RBP7: variants seen among roughly 807,000 people sequenced by gnomAD.
RBP7 encodes the protein retinoid-binding protein 7.
A neutral mutation model predicts 16.7 loss-of-function variants in RBP7; 13 were observed. The ratio of observed to expected loss-of-function variants is 0.78; its 90% CI spans 0.51 to 1.24. RBP7 has a LOEUF of 1.24. Among genes scored for constraint, RBP7 ranks in the 50% most tolerant of loss-of-function variants. The pLI is 0.00. For synonymous variants in RBP7, 54 were observed against 56.2 expected (o/e 0.96, Z 0.17); for missense variants, 145 against 159.5 (o/e 0.91, Z 0.49).
chr1:10,001,569 G>A (rs542214611), intron 1 of RBP7, among the ~76,000 whole-genome samples: 2 of 152,032 alleles, frequency 1.3e-5, no homozygotes, highest in East Asian at 3.9e-4. Flanking sequence ...TGCCTTGCTT[G>A]GGTTTTAATA....
chr1:10,007,524 T>C (rs1297142649), intron 1 of RBP7, 46 bp from the exon 2 acceptor site: 38 of 1,368,660 alleles, frequency 2.8e-5, no homozygotes, highest in Non-Finnish European at 3.4e-5. Flanking sequence ...TCTTCACTTT[T>C]GTATCTCAAG....
chr1:10,000,079 A>G (rs1485661496), intron 1 of RBP7, among the ~76,000 whole-genome samples: 1 of 151,516 alleles, frequency 6.6e-6, no homozygotes, highest in East Asian at 1.9e-4. Context: ...AATACAAAAA[A>G]TTAGCTGGGC....
chr1:10,007,650 A>T lies in RBP7; in HGVS notation c.154A>T (p.Ile52Phe). The change falls in exon 2 of 4, where the codon ATC becomes TTC. Residue 52 changes from isoleucine (I) to phenylalanine (F), a missense_variant. Physicochemically the swap from Ile to Phe is conservative, Grantham distance 21 (BLOSUM62 0). Transcript: ENST00000294435. ...VIEQNGDSFT[I>F]HTNSSLRNYF... Reference sequence around the variant, plus strand: ...TGAGCAGAATGGGGATTCTTTTACCATCCACACGAACAGCAGCCTAAGGAA... The same window carrying T: ...TGAGCAGAATGGGGATTCTTTTACCTTCCACACGAACAGCAGCCTAAGGAA... 1 of 1,614,078 alleles carries T rather than the reference A, an allele frequency of 6.2e-7. No individual in the cohort carries two copies. Among genetic ancestry groups the T allele is most frequent in the Non-Finnish European group, 8.5e-7 (1 of 1,179,978 alleles).
intron 1 of RBP7, among the ~76,000 whole-genome samples, chr1:10,000,322 A>C (rs1642241518): frequency 6.6e-6 from 1 of 152,122 alleles, no homozygotes; most frequent in Non-Finnish European, 1.5e-5. Flanking sequence ...ACCTGAAGTC[A>C]GGAGTTTGAG....
At chr1:10,008,483 C>T (rs1399633081) in intron 3 of RBP7, among the ~76,000 whole-genome samples, 1 of 150,612 alleles carries the variant, frequency 6.6e-6, no homozygotes, top group African/African-American at 2.5e-5. Flanking sequence ...GCTGTGTCAC[C>T]AGGCTGGAGT....
In RBP7 at chr1:9,997,372, TG is replaced by T; in HGVS notation, c.73+44del. On this transcript the variant is annotated intron_variant, in intron 1 of 3. Transcript: ENST00000294435. The surrounding 1 kb of genome is among the most constrained non-coding windows in gnomAD (Gnocchi z 5.9). Reference sequence around the variant, plus strand: ...GGCGGCGGCGGCGCGAGGCTCGCCGTGGGTCTCGGGATCAGGCGAAGGCGGC... The same window carrying T: ...GGCGGCGGCGGCGCGAGGCTCGCCGTGGTCTCGGGATCAGGCGAAGGCGGC... The T allele has an allele frequency of 6.3e-7, 1 of 1,592,220 alleles. No homozygotes were observed. Among genetic ancestry groups the T allele is most frequent in the Non-Finnish European group, 8.6e-7 (1 of 1,164,482 alleles).
chr1:10,011,913 T>C (rs1243757263), intron 3 of RBP7, among the ~76,000 whole-genome samples: 3 of 151,622 alleles, frequency 2.0e-5, no homozygotes, highest in Admixed American at 6.6e-5. Flanking sequence ...AAAAATTAGC[T>C]GGGCGGAGCC....
intron 1 of RBP7, among the ~76,000 whole-genome samples, chr1:9,998,149 C>T (rs1642206548): frequency 6.6e-6 from 1 of 152,210 alleles, no homozygotes; most frequent in Non-Finnish European, 1.5e-5. Context: ...CCAGCCACCA[C>T]GTCCGGCTAA....
At position 10,009,061 on chromosome 1, in the gene RBP7, A is replaced by G. The variant is rs564893968; in HGVS notation, c.354+787A>G. ...CGCCATTTTTCCCATTCACAAATAA[A>G]TTGGGATTTTGAAATTCCCCAAGGC... is the stretch of plus-strand genomic sequence containing the variant. On this transcript the variant is annotated intron_variant, in intron 3 of 3. Coordinates refer to ENST00000294435, the MANE Select transcript of RBP7 (RefSeq NM_052960.3). Among the ~76,000 whole-genome samples, 6 of 152,246 alleles carry G rather than the reference A, an allele frequency of 3.9e-5. 1 individual carries two copies. The highest frequency in any genetic ancestry group is 1.4e-4 in the African/African-American group (6 of 41,562).
intron 3 of RBP7, among the ~76,000 whole-genome samples, chr1:10,013,154 C>A (rs868220071): frequency 1.3e-5 from 2 of 149,508 alleles, no homozygotes; most frequent in East Asian, 2.1e-4. Flanking sequence ...CTCACTGTAA[C>A]CTCCTCCTCC....
chr1:10,007,708 TTGA>T lies in RBP7; in HGVS notation c.216_218del (p.Asp72del), dbSNP rs1367701366. On this transcript the variant is annotated inframe_deletion, in exon 2 of 4. Transcript: ENST00000294435. The stretch of plus-strand genomic sequence containing the variant: ...GTGAAATTTAAAGTTGGAGAAGAAT[TTGA>T]TGAAGATAACAGAGGCCTGGACAAC... 3 of 1,613,746 alleles carry T rather than the reference TTGA, an allele frequency of 1.9e-6. No homozygotes were observed. The highest frequency in any genetic ancestry group is 2.2e-5 in the South Asian group (2 of 91,026).
chr1:10,007,774 C>G (rs376895005), intron 2 of RBP7, 26 bp downstream of exon 2: 2 of 1,603,286 alleles, frequency 1.2e-6, no homozygotes, highest in African/African-American at 2.7e-5. Context: ...ATGCCAGGTG[C>G]GGTGGATTAC....
chr1:10,013,677 G>C (rs1418237635), intron 3 of RBP7, among the ~76,000 whole-genome samples: 1 of 152,060 alleles, frequency 6.6e-6, no homozygotes, highest in Non-Finnish European at 1.5e-5. Flanking sequence ...GGGTGTGGTG[G>C]CGGGCACCTG....
intron 1 of RBP7, among the ~76,000 whole-genome samples, chr1:10,004,701 T>C (rs1642391022): frequency 6.6e-6 from 1 of 152,214 alleles, no homozygotes; most frequent in Admixed American, 6.5e-5. Context: ...TCATTGTTAG[T>C]CTAAAGTTAT....
At position 9,997,623 on chromosome 1, in the gene RBP7, G is replaced by C. The variant is rs906602534; in HGVS notation, c.73+292G>C. Among the ~76,000 whole-genome samples the C allele has an allele frequency of 1.3e-4, 17 of 129,452 alleles. No homozygotes were observed. Among genetic ancestry groups the C allele is most frequent in the Non-Finnish European group, 2.1e-4 (13 of 60,520 alleles). The allele number at this position is 129,452 out of a possible 152,430, so 84.9% of individuals were successfully genotyped here. A position where few individuals can be genotyped will look rare whatever the true frequency, so the allele number is the denominator to read the frequency against. On this transcript the variant is annotated intron_variant, in intron 1 of 3. Coordinates refer to ENST00000294435, the MANE Select transcript of RBP7 (RefSeq NM_052960.3). This position sits in a 1 kb window ranked among gnomAD's most constrained non-coding sequence, Gnocchi z 5.9. ...TCCCCCGGCCGTCGGTCCCCCACCCGTCCGTCCCTGAGTGCCCGCGTCCAG... is the reference window on the plus strand; with the variant it reads ...TCCCCCGGCCGTCGGTCCCCCACCCCTCCGTCCCTGAGTGCCCGCGTCCAG...
intron 3 of RBP7, among the ~76,000 whole-genome samples, chr1:10,011,470 C>T (rs1003052255): frequency 6.6e-6 from 1 of 152,162 alleles, no homozygotes; most frequent in African/African-American, 2.4e-5. Flanking sequence ...ACTCAGGTCC[C>T]ACAATCACAT....
chr1:10,014,392 T>TC (rs1472658043), intron 3 of RBP7, among the ~76,000 whole-genome samples: 1 of 147,826 alleles, frequency 6.8e-6, no homozygotes, highest in African/African-American at 2.5e-5. Context: ...TCTTTTTTCT[T>TC]TTTTTTTTTT....
chr1:9,997,318 C>T lies in RBP7; in HGVS notation c.60C>T (p.Tyr20=), dbSNP rs1419338075. The T allele has an allele frequency of 6.2e-7, 1 of 1,611,274 alleles. No homozygotes were observed. The highest frequency in any genetic ancestry group is 1.7e-5 in the Admixed American group (1 of 59,942). The part of the protein sequence containing the change: ...TLLSSDNFEG[Y]MLALGIDFAT... Reference sequence around the variant, plus strand: ...TCAGCAGCGACAACTTCGAGGGCTACATGCTGGCCCTAGGTAAGGCGGAGG... The same window carrying T: ...TCAGCAGCGACAACTTCGAGGGCTATATGCTGGCCCTAGGTAAGGCGGAGG... The change falls in exon 1 of 4, where the codon TAC becomes TAT. Residue 20 remains tyrosine (Y), a synonymous_variant. Transcript: ENST00000294435. This position sits in a 1 kb window ranked among gnomAD's most constrained non-coding sequence, Gnocchi z 5.9.
chr1:10,011,415 G>T (rs899539060), intron 3 of RBP7, among the ~76,000 whole-genome samples: 1 of 152,186 alleles, frequency 6.6e-6, no homozygotes, highest in Non-Finnish European at 1.5e-5. Context: ...TATAACCAGA[G>T]AAATTAAGGT....
Sources: allele counts gnomAD v4.1 joint callset (sites outside exome capture counted in the v4.1 genomes callset), GRCh38; gene constraint gnomAD v4.1.1; non-coding constraint Gnocchi (gnomAD v3.1); transcripts MANE v1.5; gene names NCBI Gene and HGNC (gene_info 2026-07-23, HGNC 2026-07-21).